Variants in SCAF8 observed in about 807,000 individuals in gnomAD.
SCAF8 encodes the protein SR-related and CTD-associated factor 8.
A neutral mutation model predicts 140.5 loss-of-function variants in SCAF8; 23 were observed. The observed-to-expected ratio is 0.16, with a 90% CI of 0.12 to 0.23. SCAF8 has a LOEUF of 0.23. Among genes scored for constraint, SCAF8 ranks in the 10% least tolerant of loss-of-function variants. The pLI, the probability that SCAF8 is intolerant of heterozygous loss-of-function variation, is 1.00. For missense variants in SCAF8, 1,397 were observed against 1,555.7 expected (o/e 0.90, Z 1.72); for synonymous variants, 575 against 528.9 (o/e 1.09, Z -1.20).
intron 1 of SCAF8, among the ~76,000 whole-genome samples, chr6:154,770,986 CCA>C (rs1776748471): frequency 1.3e-5 from 2 of 152,138 alleles, no homozygotes; most frequent in African/African-American, 2.4e-5. Flanking sequence ...CTCAAGTGAT[CCA>C]CCTGCCTTGG....
At chr6:154,810,242 AATTAAT>A in intron 12 of SCAF8, 34 bp downstream of exon 12, 4 of 1,451,248 alleles carry the variant, frequency 2.8e-6, no homozygotes, top group Non-Finnish European at 3.7e-6. Context: ...CTTTGGTTTC[AATTAAT>A]ATTTAAAAAA....
chr6:154,797,569 T>A (rs1011967137), intron 6 of SCAF8, among the ~76,000 whole-genome samples: 2 of 151,382 alleles, frequency 1.3e-5, no homozygotes, highest in South Asian at 4.1e-4. Flanking sequence ...CTGATTTCTC[T>A]ATTTTCAGTA....
intron 1 of SCAF8, among the ~76,000 whole-genome samples, chr6:154,749,783 T>C (rs1778794511): frequency 6.6e-6 from 1 of 152,156 alleles, no homozygotes; most frequent in Non-Finnish European, 1.5e-5. Context: ...ATTGAGAGTC[T>C]GAAGGGCTTT....
At chr6:154,813,876 A>G (rs930490446) in intron 12 of SCAF8, among the ~76,000 whole-genome samples, 1 of 152,246 alleles carries the variant, frequency 6.6e-6, no homozygotes, top group African/African-American at 2.4e-5. Flanking sequence ...CCATGAGCCA[A>G]GGAAGGCAGG....
chr6:154,765,583 T>C (rs897087591), intron 1 of SCAF8, among the ~76,000 whole-genome samples: 8 of 152,176 alleles, frequency 5.3e-5, no homozygotes, highest in African/African-American at 1.9e-4. Context: ...AATAAACATA[T>C]CAGCAAGATC....
At position 154,751,947 on chromosome 6, in the gene SCAF8, C is replaced by T. The variant is rs190834128; in HGVS notation, c.30+18017C>T. 1.8e-3 allele frequency among the ~76,000 whole-genome samples: 271 copies of T among 152,290 alleles called. 1 individual carries two copies. Among genetic ancestry groups the T allele is most frequent in the Non-Finnish European group, 2.8e-3 (191 of 68,016 alleles). ...CTTGGCCAACAGTTCTCCAGCAACTCACTCTGCAGAAAACTAAAAAGCCTT... is the reference window on the plus strand; with the variant it reads ...CTTGGCCAACAGTTCTCCAGCAACTTACTCTGCAGAAAACTAAAAAGCCTT... On this transcript the variant is annotated intron_variant, in intron 1 of 19. Transcript: ENST00000367178.
At chr6:154,814,613 C>G (rs1464602934) in intron 12 of SCAF8, among the ~76,000 whole-genome samples, 1 of 152,126 alleles carries the variant, frequency 6.6e-6, no homozygotes, top group African/African-American at 2.4e-5. Context: ...GTAAAACCTG[C>G]CTGAAACCTG....
chr6:154,818,513 T>C lies in SCAF8; in HGVS notation c.1556T>C (p.Met519Thr). ...IPPRGCAYVC[M>T]VHRQDAFRAL... ...CCCCGGGGCTGTGCTTATGTCTGCA[T>C]GGTTCATCGACAAGATGCATTTCGA... The change falls in exon 14 of 20, where the codon ATG becomes ACG. Residue 519 changes from methionine to threonine, a missense_variant. Met to Thr is a moderately conservative substitution (Grantham distance 81). Transcript: ENST00000367178. The C allele has an allele frequency of 6.2e-7, 1 of 1,610,130 alleles. No homozygotes were observed. Among genetic ancestry groups the C allele is most frequent in the Non-Finnish European group, 8.5e-7 (1 of 1,178,164 alleles).
Position 154,795,280 on chromosome 6 carries a change from AC to A in SCAF8, c.606+142del, listed in dbSNP as rs548119436. ...GACCATTATGTATACTTTGTTACTT[AC>A]TTAAGTCATTTAATAGTGCATCATG... is the stretch of plus-strand genomic sequence containing the variant. On this transcript the variant is annotated intron_variant, in intron 6 of 19. Transcript: ENST00000367178. The A allele has an allele frequency of 4.4e-5, 28 of 630,900 alleles. 1 individual carries two copies. The South Asian group carries it at 7.7e-4, about 17-fold the overall frequency. The allele number at this position is 630,900 out of a possible 1,614,324, so 39.1% of individuals were successfully genotyped here.
At chr6:154,801,678 G>C (rs747674988) in intron 6 of SCAF8, among the ~76,000 whole-genome samples, 7 of 151,500 alleles carry the variant, frequency 4.6e-5, no homozygotes, top group Non-Finnish European at 1.0e-4. Flanking sequence ...ATTGAACAAG[G>C]TAGAGAAATT....
chr6:154,830,486 A>G (rs575767007), intron 18 of SCAF8, among the ~76,000 whole-genome samples: 1 of 152,176 alleles, frequency 6.6e-6, no homozygotes, highest in African/African-American at 2.4e-5. Context: ...TTCTAACTTC[A>G]TCTGACAAAA....
intron 2 of SCAF8, among the ~76,000 whole-genome samples, chr6:154,776,049 A>G (rs1317650253): frequency 6.6e-6 from 1 of 152,066 alleles, no homozygotes; most frequent in Non-Finnish European, 1.5e-5. Context: ...AATCACATGC[A>G]AAAAATTTCA....
intron 1 of SCAF8, among the ~76,000 whole-genome samples, chr6:154,757,269 A>G (rs1276014585): frequency 4.6e-5 from 7 of 152,190 alleles, no homozygotes. Flanking sequence ...TGCTGGGATT[A>G]TAGGCATGAG....
intron 14 of SCAF8, among the ~76,000 whole-genome samples, chr6:154,819,341 C>G (rs1019743958): frequency 6.6e-6 from 1 of 152,120 alleles, no homozygotes. Context: ...AGTCCCAGCA[C>G]TTTGGGAGGC....
In SCAF8 at chr6:154,818,570, A is replaced by G. The variant is rs1333668041; in HGVS notation, c.1613A>G (p.Lys538Arg). Reference sequence around the variant, plus strand: ...CAGAAACTCAGTTCTGGATCATATAAAATTGGGTCCAAGGTCATTAAGGTG... The same window carrying G: ...CAGAAACTCAGTTCTGGATCATATAGAATTGGGTCCAAGGTCATTAAGGTG... Reference protein sequence around the residue: ...ALQKLSSGSYKIGSKVIKIAW... With the variant: ...ALQKLSSGSYRIGSKVIKIAW... Residue 538 changes from lysine to arginine, a missense_variant, in exon 14 of 20, where the codon AAA becomes AGA. Transcript: ENST00000367178. 6.3e-7 allele frequency: 1 copy of G among 1,599,374 alleles called. No homozygotes were observed. Among genetic ancestry groups the G allele is most frequent in the African/African-American group, 1.3e-5 (1 of 74,360 alleles).
At chr6:154,769,585 C>T (rs1776678130) in intron 1 of SCAF8, among the ~76,000 whole-genome samples, 1 of 152,202 alleles carries the variant, frequency 6.6e-6, no homozygotes, top group African/African-American at 2.4e-5. Flanking sequence ...TAATAGCTAA[C>T]CCTTATTGAG....
At chr6:154,815,679 A>C (rs150793906) in intron 12 of SCAF8, 37 bp from the exon 13 acceptor site, 1 of 1,197,852 alleles carries the variant, frequency 8.3e-7, no homozygotes, top group Non-Finnish European at 1.2e-6. Flanking sequence ...AACTATGTCT[A>C]AATGATTTAG....
chr6:154,734,640 TCAAA>T (rs1778362670), intron 1 of SCAF8, among the ~76,000 whole-genome samples: 3 of 152,204 alleles, frequency 2.0e-5, no homozygotes, highest in South Asian at 4.1e-4. Context: ...CATTCACGTG[TCAAA>T]CAAGATTTTA....
At chr6:154,775,218 A>C (rs1562439515) in intron 2 of SCAF8, among the ~76,000 whole-genome samples, 1 of 152,224 alleles carries the variant, frequency 6.6e-6, no homozygotes, top group Admixed American at 6.5e-5. Context: ...AATAGTTAAA[A>C]TCAGTGTACT....
Sources: gnomAD v4.1 joint callset for allele counts (sites outside exome capture counted in the v4.1 genomes callset) on GRCh38, gnomAD v4.1.1 for gene constraint, MANE v1.5 for transcripts, NCBI Gene and HGNC (gene_info 2026-07-23, HGNC 2026-07-21) for gene names.